Variants in THTPA observed in about 807,000 individuals in gnomAD.
The protein encoded by THTPA is thiamine triphosphatase.
In THTPA, 16 loss-of-function variants were observed where a neutral mutation model predicts 16.5. That is an observed-to-expected ratio of 0.97 (90% CI 0.66 to 1.47). THTPA has a LOEUF of 1.47. THTPA is among the 40% of genes most tolerant of loss of function. The pLI is 0.00. For synonymous variants in THTPA, 110 were observed against 115.5 expected (o/e 0.95, Z 0.30); for missense variants, 281 against 280.9 (o/e 1.00, Z 0.00).
In THTPA at chr14:23,559,975, G is replaced by C. The variant is rs181571401; in HGVS notation, c.*1135G>C. ...GAGGATTCTGAAGAGCTGGGTGATA[G>C]GAAGGCCACCCCGAGCTGGAACTGT... is the stretch of plus-strand genomic sequence containing the variant. On this transcript the variant is annotated 3_prime_UTR_variant, in exon 2 of 2. Coordinates refer to ENST00000288014, the MANE Select transcript of THTPA (RefSeq NM_024328.6). 1.7e-5 allele frequency: 28 copies of C among 1,613,320 alleles called. No individual in the cohort carries two copies. In the Admixed American group the frequency reaches 4.7e-4, roughly 27 times the overall value.
chr14:23,530,868 C>T, the THTPA span: 7 of 219,874 alleles, frequency 3.2e-5, no homozygotes, highest in Admixed American at 1.1e-4. Context: ...CTGCAAAGCC[C>T]GACGCCCATG....
At chr14:23,533,295 G>C in the THTPA span, 8 of 1,436,748 alleles carry the variant, frequency 5.6e-6, no homozygotes, top group East Asian at 2.0e-4. The surrounding 1 kb of genome is among the most constrained non-coding windows in gnomAD (Gnocchi z 4.8). Context: ...CGGATGTGGG[G>C]AACTTGCGGG....
chr14:23,511,875 G>A, the THTPA span: 1 of 152,278 alleles, frequency 6.6e-6, no homozygotes, highest in East Asian at 1.9e-4. Flanking sequence ...AGAAGGCTCG[G>A]TGGCGCTCAC....
chr14:23,527,324 A>G, the THTPA span, among the ~76,000 whole-genome samples: 1 of 152,216 alleles, frequency 6.6e-6, no homozygotes, highest in Non-Finnish European at 1.5e-5. Flanking sequence ...AGACAAGCTC[A>G]GTTCTGAGTC....
the THTPA span, chr14:23,527,103 A>G: frequency 7.5e-7 from 1 of 1,337,570 alleles, no homozygotes; most frequent in Non-Finnish European, 9.7e-7. Context: ...CTGTCTGAAC[A>G]AACCTCCCAC....
chr14:23,559,161 C>T lies in THTPA; in HGVS notation c.*321C>T. On this transcript the variant is annotated 3_prime_UTR_variant, in exon 2 of 2. Coordinates refer to ENST00000288014, the MANE Select transcript of THTPA (RefSeq NM_024328.6). ...ACAGGAAAATCCCTTGCCACCCCCC[C>T]TCCCTTGGTCGATGCCATTGATTCT... The T allele has an allele frequency of 3.5e-6, 1 of 286,864 alleles. No homozygotes were observed. Among genetic ancestry groups the T allele is most frequent in the Non-Finnish European group, 6.6e-6 (1 of 151,112 alleles). The allele number at this position is 286,864 out of a possible 1,614,324, so 17.8% of individuals were successfully genotyped here. A position where few individuals can be genotyped will look rare whatever the true frequency, so the allele number is the denominator to read the frequency against.
the THTPA span, chr14:23,525,901 G>C: frequency 3.4e-6 from 5 of 1,461,562 alleles, no homozygotes; most frequent in Non-Finnish European, 4.5e-6. This position sits in a 1 kb window ranked among gnomAD's most constrained non-coding sequence, Gnocchi z 5.9. Context: ...CCAGAGGGAA[G>C]GGGGGCAGGA....
At chr14:23,520,354 TG>T in the THTPA span, among the ~76,000 whole-genome samples, 1 of 144,014 alleles carries the variant, frequency 6.9e-6, no homozygotes, top group Non-Finnish European at 1.5e-5. This position sits in a 1 kb window ranked among gnomAD's most constrained non-coding sequence, Gnocchi z 8.7. Flanking sequence ...AAAAGGAGAC[TG>T]GGGGGAAGGG....
the THTPA span, among the ~76,000 whole-genome samples, chr14:23,545,104 C>T: frequency 6.6e-6 from 1 of 152,162 alleles, no homozygotes; most frequent in Non-Finnish European, 1.5e-5. Context: ...CCCTCTCCCC[C>T]GCCCTTCACG....
At chr14:23,550,077 G>A in the THTPA span, among the ~76,000 whole-genome samples, 1 of 152,334 alleles carries the variant, frequency 6.6e-6, no homozygotes, top group Middle Eastern at 3.4e-3. Context: ...TAAGTCAGCA[G>A]GGAAGAGGTT....
At chr14:23,533,119 G>T in the THTPA span, 4 of 1,483,676 alleles carry the variant, frequency 2.7e-6, no homozygotes, top group South Asian at 4.0e-5. This position sits in a 1 kb window ranked among gnomAD's most constrained non-coding sequence, Gnocchi z 4.8. Context: ...GCCCAAGAAA[G>T]AAATGGGGCA....
the THTPA span, chr14:23,523,052 GC>G: frequency 7.1e-7 from 1 of 1,405,532 alleles, no homozygotes; most frequent in Admixed American, 3.1e-5. This position sits in a 1 kb window ranked among gnomAD's most constrained non-coding sequence, Gnocchi z 4.1. Flanking sequence ...GGATTTCCAT[GC>G]CCCTTCCCTC....
At position 23,557,320 on chromosome 14, in the gene THTPA, C is replaced by A; in HGVS notation, c.547+16C>A. On this transcript the variant is annotated intron_variant, in intron 1 of 1. Coordinates refer to ENST00000288014, the MANE Select transcript of THTPA (RefSeq NM_024328.6). ...AGCATGCTTGGTGAGGGAGACAGGC[C>A]CTTTTGTGCTTTTCCTGCTCCCCAC... 6.4e-7 allele frequency: 1 copy of A among 1,563,282 alleles called. No homozygotes were observed. Among genetic ancestry groups the A allele is most frequent in the Non-Finnish European group, 8.6e-7 (1 of 1,159,140 alleles).
the THTPA span, among the ~76,000 whole-genome samples, chr14:23,535,780 C>T: frequency 2.6e-5 from 4 of 151,934 alleles, no homozygotes; most frequent in Admixed American, 2.6e-4. This position sits in a 1 kb window ranked among gnomAD's most constrained non-coding sequence, Gnocchi z 4.5. Flanking sequence ...TTAGTAGAGA[C>T]GGGGTTTCTC....
At chr14:23,530,956 T>C in the THTPA span, 1 of 172,460 alleles carries the variant, frequency 5.8e-6, no homozygotes, top group Non-Finnish European at 1.2e-5. Flanking sequence ...GTTCCCGGCC[T>C]CTGCTGGTAC....
the THTPA span, chr14:23,522,077 GTGA>G: frequency 6.5e-7 from 1 of 1,536,308 alleles, no homozygotes; most frequent in Admixed American, 2.0e-5. Context: ...GGCGGCGTTG[GTGA>G]TGGAGATGGG....
At position 23,560,072 on chromosome 14, in the gene THTPA, G is replaced by T; in HGVS notation, c.*1232G>T. On this transcript the variant is annotated 3_prime_UTR_variant, in exon 2 of 2. Coordinates refer to ENST00000288014, the MANE Select transcript of THTPA (RefSeq NM_024328.6). ...GAGTTTAACAGAGCACAGTATGGCA[G>T]TAGGTAGGGCTCAGGCAGCCCCTCT... is the stretch of plus-strand genomic sequence containing the variant. 1 of 1,486,404 alleles carries T rather than the reference G, an allele frequency of 6.7e-7. No individual in the cohort carries two copies. Among genetic ancestry groups the T allele is most frequent in the Non-Finnish European group, 9.3e-7 (1 of 1,074,614 alleles). 92.1% of individuals were successfully genotyped at this position (1,486,404 alleles called of 1,614,324 possible). A position where few individuals can be genotyped will look rare whatever the true frequency, so the allele number is the denominator to read the frequency against.
At chr14:23,531,509 G>C in the THTPA span, 3 of 1,463,738 alleles carry the variant, frequency 2.0e-6, no homozygotes, top group Non-Finnish European at 2.7e-6. Flanking sequence ...CGTGGCTGAA[G>C]CTCAGGATGC....
At chr14:23,523,326 C>T in the THTPA span, 1 of 1,454,344 alleles carries the variant, frequency 6.9e-7, no homozygotes, top group Non-Finnish European at 9.0e-7. This position sits in a 1 kb window ranked among gnomAD's most constrained non-coding sequence, Gnocchi z 4.1. Flanking sequence ...GGTGTGGTGG[C>T]AGGTGGGGCC....
Sources: gnomAD v4.1 joint callset for allele counts (sites outside exome capture counted in the v4.1 genomes callset) on GRCh38, gnomAD v4.1.1 for gene constraint, Gnocchi (gnomAD v3.1) non-coding constraint, MANE v1.5 for transcripts, NCBI Gene and HGNC (gene_info 2026-07-23, HGNC 2026-07-21) for gene names.